The following TMEM39B variants were observed in gnomAD, a reference collection of about 807,000 sequenced individuals.
The protein encoded by TMEM39B is transmembrane protein 39B.
Under a neutral mutation model 52.2 loss-of-function variants are expected in TMEM39B, and 23 were observed. The observed-to-expected ratio is 0.44, with a 90% CI of 0.32 to 0.62. The LOEUF is 0.62. TMEM39B is among the 20% of genes least tolerant of loss of function. The pLI, the probability that TMEM39B is intolerant of heterozygous loss-of-function variation, is 0.06. For synonymous variants in TMEM39B, 285 were observed against 264.0 expected, an observed-to-expected ratio of 1.08 and a Z score of -0.77; for missense variants, 547 against 642.0, an observed-to-expected ratio of 0.85 and a Z score of 1.60.
chr1:32,094,117 CTT>C (rs796499631), intron 6 of TMEM39B, among the ~76,000 whole-genome samples: 36 of 29,794 alleles, frequency 1.2e-3, no homozygotes, highest in African/African-American at 3.5e-3. Context: ...TGCGCCTGGC[CTT>C]TTTTTTTTTT....
intron 7 of TMEM39B, chr1:32,095,551 G>C (rs1401274240): frequency 6.4e-6 from 1 of 155,118 alleles, no homozygotes; most frequent in African/African-American, 2.4e-5. Context: ...CTAGCTGCAA[G>C]AAGGCACTGC....
chr1:32,083,409 CTTTTTTTTTT>C (rs1052027069), intron 5 of TMEM39B, among the ~76,000 whole-genome samples: 6 of 54,620 alleles, frequency 1.1e-4, no homozygotes, highest in African/African-American at 2.3e-4. Flanking sequence ...TAAAGGACTT[CTTTTTTTTTT>C]TTTTTTTTTT....
At chr1:32,101,206 TAC>T (rs59904492) in intron 8 of TMEM39B, among the ~76,000 whole-genome samples, 2,415 of 152,260 alleles carry the variant, frequency 0.016, 51 homozygotes, top group African/African-American at 0.054. Context: ...TGTACCTTCC[TAC>T]TCAGCCTTAC....
At position 32,080,034 on chromosome 1, in the gene TMEM39B, C is replaced by CA. The variant is rs1276284771; in HGVS notation, c.590+2717dup. ...CCTCCCAAAGTGCTGGGATTACAGA[C>CA]ATGAGCCACCATGCTCGGCAATTTT... On this transcript the variant is annotated intron_variant, in intron 5 of 8. Coordinates refer to ENST00000336294, the MANE Select transcript of TMEM39B (RefSeq NM_018056.4). Among the ~76,000 whole-genome samples, 23 of 152,140 alleles carry CA rather than the reference C, an allele frequency of 1.5e-4. No individual in the cohort carries two copies. The East Asian group carries it at 2.7e-3, about 18-fold the overall frequency.
intron 6 of TMEM39B, among the ~76,000 whole-genome samples, chr1:32,093,219 C>A (rs113149263): frequency 0.029 from 4,450 of 151,898 alleles, 212 homozygotes; most frequent in African/African-American, 0.1. Context: ...CTGCCTCAGC[C>A]TCCCAAGTAG....
rs368020841 is a variant in TMEM39B, at chr1:32,077,220, C to T, written c.492C>T (p.Arg164=). The T allele has an allele frequency of 1.2e-6, 2 of 1,614,082 alleles. No homozygotes were observed. Among genetic ancestry groups the T allele is most frequent in the African/African-American group, 1.3e-5 (1 of 74,934 alleles). The change falls in exon 5 of 9, where the codon CGC becomes CGT. Residue 164 remains arginine (R), a synonymous_variant. Coordinates refer to ENST00000336294, the MANE Select transcript of TMEM39B (RefSeq NM_018056.4). ...GCTCCATCCTGCTGTTCCTCACTCG[C>T]TTCACCGTTCTCACGGCAACAGGCT... ...LFRSILLFLT[R]FTVLTATGWS...
rs866087458 is a variant in TMEM39B, at chr1:32,091,718, C to T, written c.634C>T (p.Arg212Cys). The T allele has an allele frequency of 1.5e-5, 24 of 1,613,378 alleles. No individual in the cohort carries two copies. Among genetic ancestry groups the T allele is most frequent in the African/African-American group, 6.7e-5 (5 of 74,930 alleles). Residue 212 changes from arginine (R) to cysteine (C), a missense_variant, in exon 6 of 9, where the codon CGC becomes TGC. Arg to Cys is a radical substitution (Grantham distance 180). Coordinates refer to ENST00000336294, the MANE Select transcript of TMEM39B (RefSeq NM_018056.4). ...IPFLQLNCDL[R>C]KTSLFNHMAS... ...GTTCCTGCAGCTGAATTGCGACCTC[C>T]GCAAGACAAGCCTCTTCAACCACAT...
intron 1 of TMEM39B, chr1:32,073,297 G>A (rs979847381): frequency 2.0e-6 from 1 of 501,282 alleles, no homozygotes; most frequent in East Asian, 3.5e-5. Context: ...GCTTTCGTGA[G>A]GACCAGCTCG....
intron 8 of TMEM39B, 26 bp downstream of exon 8, chr1:32,100,588 G>A: frequency 6.2e-7 from 1 of 1,614,074 alleles, no homozygotes; most frequent in South Asian, 1.1e-5. Context: ...GGGGAAGGAG[G>A]GTTGGGGCCT....
At position 32,072,960 on chromosome 1, in the gene TMEM39B, G is replaced by C. The variant is rs1639696530; in HGVS notation, c.-88G>C. ...GGCTGATACCCGGGACTGGGCTGCG[G>C]CGGTTAGTCCTCTCCCGGCCGCCGT... On this transcript the variant is annotated 5_prime_UTR_variant, in exon 1 of 9. Transcript: ENST00000336294. 2.4e-5 allele frequency: 36 copies of C among 1,500,660 alleles called. 1 individual carries two copies. The South Asian group carries it at 4.4e-4, about 18-fold the overall frequency. 93.0% of individuals were successfully genotyped at this position (1,500,660 alleles called of 1,614,324 possible).
intron 5 of TMEM39B, among the ~76,000 whole-genome samples, chr1:32,080,948 T>G (rs1171131088): frequency 6.6e-6 from 1 of 151,964 alleles, no homozygotes; most frequent in African/African-American, 2.4e-5. Flanking sequence ...GAAGATTGCT[T>G]TAGCTGGTGG....
chr1:32,080,078 T>C (rs949709397), intron 5 of TMEM39B, among the ~76,000 whole-genome samples: 3 of 151,874 alleles, frequency 2.0e-5, no homozygotes, highest in East Asian at 2.0e-4. Context: ...TTAGTAGAGA[T>C]GGGGTTTCAC....
rs1057447172 is a variant in TMEM39B, at chr1:32,077,216, C to T, written c.488C>T (p.Thr163Ile). Residue 163 changes from threonine (T) to isoleucine (I), a missense_variant, in exon 5 of 9, where the codon ACT becomes ATT. Physicochemically the swap from Thr to Ile is moderately conservative, Grantham distance 89. Transcript: ENST00000336294. ...SLFRSILLFLTRFTVLTATGW... is the reference protein window; with the variant it reads ...SLFRSILLFLIRFTVLTATGW... ...TTTCGCTCCATCCTGCTGTTCCTCA[C>T]TCGCTTCACCGTTCTCACGGCAACA... 5 of 1,614,094 alleles carry T rather than the reference C, an allele frequency of 3.1e-6. No homozygotes were observed. Among genetic ancestry groups the T allele is most frequent in the Non-Finnish European group, 4.2e-6 (5 of 1,180,056 alleles).
At chr1:32,094,707 C>G (rs1640747400) in intron 6 of TMEM39B, 77 bp from the exon 7 acceptor site, 1 of 1,517,430 alleles carries the variant, frequency 6.6e-7, no homozygotes, top group Non-Finnish European at 9.1e-7. Flanking sequence ...ACCTCTCAGT[C>G]AGGTAGAATC....
chr1:32,102,520 C>T lies in TMEM39B; in HGVS notation c.1326C>T (p.Ser442=). 1 of 1,614,188 alleles carries T rather than the reference C, an allele frequency of 6.2e-7. No homozygotes were observed. Among genetic ancestry groups the T allele is most frequent in the Non-Finnish European group, 8.5e-7 (1 of 1,180,034 alleles). Residue 442 remains serine (S), a synonymous_variant, in exon 9 of 9, where the codon TCC becomes TCT. Transcript: ENST00000336294. ...VIVYQLYSLM[S]SEKWHQTISL... ...TCTATCAGCTGTACTCCCTAATGTC[C>T]TCTGAAAAGTGGCACCAGACCATCT...
chr1:32,096,377 C>T (rs1321905930), intron 7 of TMEM39B, among the ~76,000 whole-genome samples: 1 of 151,686 alleles, frequency 6.6e-6, no homozygotes, highest in Non-Finnish European at 1.5e-5. Context: ...TAGTTACCTG[C>T]CTGTCATTTC....
chr1:32,073,840 T>G (rs1032841194), intron 1 of TMEM39B: 2 of 985,392 alleles, frequency 2.0e-6, no homozygotes, highest in Non-Finnish European at 2.4e-6. Flanking sequence ...GTGGGGTGTA[T>G]GTGAATGGAG....
At chr1:32,080,303 G>A (rs1287733557) in intron 5 of TMEM39B, among the ~76,000 whole-genome samples, 1 of 152,124 alleles carries the variant, frequency 6.6e-6, no homozygotes, top group Non-Finnish European at 1.5e-5. Flanking sequence ...TACACCAAAA[G>A]ATGGATTCAT....
intron 6 of TMEM39B, among the ~76,000 whole-genome samples, chr1:32,092,483 T>A (rs534615378): frequency 2.0e-5 from 3 of 151,816 alleles, no homozygotes; most frequent in Non-Finnish European, 4.4e-5. Context: ...TTACTTTTTT[T>A]ATTTTTTATT....
Sources: gnomAD v4.1 joint callset for allele counts (sites outside exome capture counted in the v4.1 genomes callset) on GRCh38, gnomAD v4.1.1 for gene constraint, MANE v1.5 for transcripts, NCBI Gene and HGNC (gene_info 2026-07-23, HGNC 2026-07-21) for gene names.